Variants in WSCD2 observed in about 807,000 individuals in gnomAD.
WSCD2 encodes the protein sialate:O-sulfotransferase 2.
In WSCD2, 28 loss-of-function variants were observed where a neutral mutation model predicts 55.7. The ratio of observed to expected loss-of-function variants is 0.50; its 90% CI spans 0.37 to 0.69. The LOEUF (loss-of-function observed/expected upper bound fraction) is 0.69. WSCD2 is among the 30% of genes least tolerant of loss of function. The pLI, the probability that WSCD2 is intolerant of heterozygous loss-of-function variation, is 0.00. For missense variants in WSCD2, 616 were observed against 762.1 expected (o/e 0.81, Z 2.26); for synonymous variants, 301 against 301.9 (o/e 1.00, Z 0.03).
intron 1 of WSCD2, among the ~76,000 whole-genome samples, chr12:108,186,017 G>A (rs535490032): frequency 9.0e-4 from 137 of 152,074 alleles, no homozygotes; most frequent in African/African-American, 3.1e-3. Flanking sequence ...CTGCACCTTG[G>A]GTCCCTTTCA....
At chr12:108,182,871 A>G (rs1159027231) in intron 1 of WSCD2, among the ~76,000 whole-genome samples, 1 of 151,966 alleles carries the variant, frequency 6.6e-6, no homozygotes, top group Non-Finnish European at 1.5e-5. Context: ...AACGGACCCT[A>G]GTATCCCAGC....
intron 6 of WSCD2, among the ~76,000 whole-genome samples, chr12:108,229,865 GAA>G (rs199775108): frequency 0.19 from 22,190 of 117,118 alleles, 1,683 homozygotes; most frequent in Middle Eastern, 0.23. Context: ...TTTTGCTCTG[GAA>G]AAAAAAAAAA....
In WSCD2 at chr12:108,134,723, G is replaced by T. The variant is rs577149811; in HGVS notation, c.-552+4797G>T. Among the ~76,000 whole-genome samples the T allele has an allele frequency of 8.4e-4, 127 of 152,034 alleles. 3 individuals are homozygous for T. The highest frequency in any genetic ancestry group is 6.8e-4 in the Non-Finnish European group (46 of 68,024). ...TGAACACCTGTACTTTTCACTGTTG[G>T]TGTCCCATTCGTACCTTGCTTTCTG... is the stretch of plus-strand genomic sequence containing the variant. On this transcript the variant is annotated intron_variant, in intron 1 of 8. Coordinates refer to ENST00000547525, the MANE Select transcript of WSCD2 (RefSeq NM_014653.4).
intron 1 of WSCD2, among the ~76,000 whole-genome samples, chr12:108,140,576 C>G (rs1464427948): frequency 2.6e-5 from 4 of 152,174 alleles, no homozygotes; most frequent in African/African-American, 9.7e-5. Flanking sequence ...TCAAAAAGAA[C>G]CAGGTAGTAG....
chr12:108,170,723 T>C (rs949502628), intron 1 of WSCD2, among the ~76,000 whole-genome samples: 1 of 152,180 alleles, frequency 6.6e-6, no homozygotes, highest in East Asian at 1.9e-4. Flanking sequence ...TAAAAGTGAT[T>C]CTTATGTAGC....
At chr12:108,244,145 G>A (rs576931174) in intron 8 of WSCD2, among the ~76,000 whole-genome samples, 278 of 152,272 alleles carry the variant, frequency 1.8e-3, no homozygotes, top group Admixed American at 4.0e-3. Flanking sequence ...CCTGTGCCCC[G>A]CCAGGCACAC....
chr12:108,184,211 G>A (rs1049050649), intron 1 of WSCD2, among the ~76,000 whole-genome samples: 5 of 152,112 alleles, frequency 3.3e-5, no homozygotes, highest in Non-Finnish European at 7.3e-5. Flanking sequence ...CTGGCAGTAG[G>A]TGCTGGCAAC....
rs550228528 is a variant in WSCD2 at position 108,175,372 on chromosome 12, A to G, written c.-551-19910A>G. On this transcript the variant is annotated intron_variant, in intron 1 of 8. Coordinates refer to ENST00000547525, the MANE Select transcript of WSCD2 (RefSeq NM_014653.4). ...ACCCCAGGGTTCCACAGACTAAAAG[A>G]GAGGAAGCATGTGCCCGCACCACCC... Among the ~76,000 whole-genome samples, 124 of 152,300 alleles carry G rather than the reference A, an allele frequency of 8.1e-4. 1 individual carries two copies. The highest frequency in any genetic ancestry group is 1.6e-4 in the Non-Finnish European group (11 of 68,024).
rs754004641 is a variant in WSCD2, at chr12:108,196,181, G to C, written c.349G>C (p.Gly117Arg). 6.2e-7 allele frequency: 1 copy of C among 1,614,016 alleles called. No individual in the cohort carries two copies. Among genetic ancestry groups the C allele is most frequent in the Admixed American group, 1.7e-5 (1 of 60,016 alleles). The change falls in exon 2 of 9, where the codon GGG becomes CGG. Residue 117 changes from glycine to arginine, a missense_variant. By Grantham distance (125) the Gly-to-Arg change is moderately radical. Coordinates refer to ENST00000547525, the MANE Select transcript of WSCD2 (RefSeq NM_014653.4). Reference protein sequence around the residue: ...YGGAWSRALKGRVVREKEEER... With the variant: ...YGGAWSRALKRRVVREKEEER... ...TGGAGCCTGGAGCCGAGCCCTCAAG[G>C]GGAGGGTTGTCCGGGAGAAGGAGGA...
At chr12:108,169,024 TCAGATCAGTGGTG>T in intron 1 of WSCD2, among the ~76,000 whole-genome samples, 1 of 152,298 alleles carries the variant, frequency 6.6e-6, no homozygotes, top group Middle Eastern at 3.4e-3. Flanking sequence ...CTGCCTCCTG[TCAGATCAGTGGTG>T]GCATTAGATT....
chr12:108,240,200 G>A, intron 7 of WSCD2, 144 bp from the exon 8 acceptor site: 1 of 992,826 alleles, frequency 1.0e-6, no homozygotes, highest in East Asian at 2.4e-5. Flanking sequence ...CACAGTGCCT[G>A]GCACATAGTA....
chr12:108,155,813 A>G (rs916921846), intron 1 of WSCD2, among the ~76,000 whole-genome samples: 2 of 152,198 alleles, frequency 1.3e-5, no homozygotes, highest in African/African-American at 2.4e-5. Flanking sequence ...GACAAATACT[A>G]TTGTTATCAT....
chr12:108,238,488 G>T (rs2137220077), intron 7 of WSCD2, among the ~76,000 whole-genome samples: 1 of 152,306 alleles, frequency 6.6e-6, no homozygotes, highest in South Asian at 2.1e-4. Flanking sequence ...GAGCACAACA[G>T]GGAGGGAAGA....
intron 1 of WSCD2, among the ~76,000 whole-genome samples, chr12:108,139,673 T>C (rs1201556589): frequency 1.3e-5 from 2 of 152,146 alleles, no homozygotes; most frequent in Non-Finnish European, 2.9e-5. Context: ...AGGGTTGCTA[T>C]GAGTGTTTTA....
chr12:108,210,332 T>A lies in WSCD2; in HGVS notation c.682+27T>A. 1.3e-6 allele frequency: 2 copies of A among 1,542,408 alleles called. No individual in the cohort carries two copies. The highest frequency in any genetic ancestry group is 1.7e-6 in the Non-Finnish European group (2 of 1,148,752). On this transcript the variant is annotated intron_variant, in intron 4 of 8. Transcript: ENST00000547525. This position sits in a 1 kb window ranked among gnomAD's most constrained non-coding sequence, Gnocchi z 4.3. ...TACGTGAGTCTGCCCTGCCCCTCTC[T>A]GCTGCTCCTCCCTCAGCTGCAGCCC...
chr12:108,147,971 T>G (rs1244756921), intron 1 of WSCD2, among the ~76,000 whole-genome samples: 1 of 152,216 alleles, frequency 6.6e-6, no homozygotes, highest in Non-Finnish European at 1.5e-5. Context: ...ATCCCATTCC[T>G]GGCCTCTTCT....
intron 1 of WSCD2, among the ~76,000 whole-genome samples, chr12:108,185,054 C>G (rs1882282559): frequency 6.6e-6 from 1 of 152,144 alleles, no homozygotes; most frequent in South Asian, 2.1e-4. Flanking sequence ...TAAGGGTCAG[C>G]AAATACTTTC....
chr12:108,145,509 A>G (rs527314769), intron 1 of WSCD2, among the ~76,000 whole-genome samples: 1 of 152,320 alleles, frequency 6.6e-6, no homozygotes, highest in East Asian at 1.9e-4. Context: ...GACGGAGTTC[A>G]AAGAGGCCTT....
intron 1 of WSCD2, among the ~76,000 whole-genome samples, chr12:108,144,905 G>A (rs904496105): frequency 6.6e-6 from 1 of 152,156 alleles, no homozygotes; most frequent in Non-Finnish European, 1.5e-5. Context: ...CGCACAACTC[G>A]GACATGGCAG....
Sources: gnomAD v4.1 joint callset for allele counts (sites outside exome capture counted in the v4.1 genomes callset) on GRCh38, gnomAD v4.1.1 for gene constraint, Gnocchi (gnomAD v3.1) non-coding constraint, MANE v1.5 for transcripts, NCBI Gene and HGNC (gene_info 2026-07-23, HGNC 2026-07-21) for gene names.